The following TENM2 variants were observed in gnomAD, a reference collection of about 807,000 sequenced individuals.
The protein encoded by TENM2 is teneurin transmembrane protein 2, also known as teneurin-2.
Under a neutral mutation model 245.2 loss-of-function variants are expected in TENM2, and 52 were observed. The ratio of observed to expected loss-of-function variants is 0.21; its 90% CI spans 0.17 to 0.27. TENM2 has a LOEUF of 0.27. Among genes scored for constraint, TENM2 ranks in the 10% least tolerant of loss-of-function variants. The pLI is 1.00. For missense variants in TENM2, 3,046 were observed against 3,666.8 expected, an observed-to-expected ratio of 0.83 and a Z score of 4.37; for synonymous variants, 1,363 against 1,438.9, an observed-to-expected ratio of 0.95 and a Z score of 1.19.
intron 25 of TENM2, among the ~76,000 whole-genome samples, chr5:168,231,673 G>A (rs571877724): frequency 6.6e-6 from 1 of 152,006 alleles, no homozygotes; most frequent in East Asian, 1.9e-4. Context: ...GCCAAAGTGG[G>A]AGGATCATTT....
intron 2 of TENM2, among the ~76,000 whole-genome samples, chr5:167,825,000 G>T (rs924257381): frequency 6.6e-6 from 1 of 152,170 alleles, no homozygotes; most frequent in African/African-American, 2.4e-5. Context: ...TTTTGGAGAA[G>T]AGCTTTGACA....
intron 2 of TENM2, among the ~76,000 whole-genome samples, chr5:167,549,267 G>A (rs1311183358): frequency 6.6e-6 from 1 of 151,704 alleles, no homozygotes; most frequent in Non-Finnish European, 1.5e-5. Flanking sequence ...TTTCCCTCTT[G>A]GTCACTCCTG....
At chr5:167,542,428 A>T (rs1457949941) in intron 2 of TENM2, among the ~76,000 whole-genome samples, 2 of 152,136 alleles carry the variant, frequency 1.3e-5, no homozygotes, top group African/African-American at 2.4e-5. Flanking sequence ...AAGAATCACC[A>T]TGAATGGGGG....
intron 1 of TENM2, among the ~76,000 whole-genome samples, chr5:167,369,172 A>G (rs1023837735): frequency 2.0e-5 from 3 of 152,276 alleles, no homozygotes; most frequent in South Asian, 2.1e-4. Flanking sequence ...ACTCACCACC[A>G]TGTAGTTCCT....
At chr5:167,288,432 G>T (rs971295153) in intron 1 of TENM2, among the ~76,000 whole-genome samples, 5 of 151,850 alleles carry the variant, frequency 3.3e-5, no homozygotes, top group Non-Finnish European at 7.4e-5. Flanking sequence ...GGTGGCGGGC[G>T]CCTGTAGTCC....
chr5:168,118,177 G>T (rs1345627130), intron 9 of TENM2, 115 bp from the exon 12 acceptor site: 5 of 792,574 alleles, frequency 6.3e-6, no homozygotes. Context: ...AGAGTCCCCA[G>T]CCTAGAACAC....
At chr5:167,205,726 G>A in the TENM2 span, among the ~76,000 whole-genome samples, 4 of 152,134 alleles carry the variant, frequency 2.6e-5, no homozygotes, top group African/African-American at 9.7e-5. Context: ...TAGCTTAGCA[G>A]GGTTCTTTCT....
At chr5:167,175,778 C>T in the TENM2 span, among the ~76,000 whole-genome samples, 3 of 152,136 alleles carry the variant, frequency 2.0e-5, no homozygotes, top group African/African-American at 4.8e-5. Context: ...CATGCAATCT[C>T]GGCTCACTGC....
chr5:168,115,359 G>GGGAAGGAAGGGAA (rs1554200289), intron 9 of TENM2, among the ~76,000 whole-genome samples: 85 of 71,626 alleles, frequency 1.2e-3, no homozygotes, highest in Admixed American at 3.9e-3. Context: ...AGGGAAGGAA[G>GGGAAGGAAGGGAA]GGAAGGAAGG....
intron 6 of TENM2, among the ~76,000 whole-genome samples, chr5:168,059,389 C>A (rs1789837830): frequency 6.6e-6 from 1 of 152,170 alleles, no homozygotes; most frequent in African/African-American, 2.4e-5. Flanking sequence ...ATTAACCCAG[C>A]AATGCCGGAA....
At chr5:167,329,994 T>C (rs1219498151) in intron 1 of TENM2, among the ~76,000 whole-genome samples, 1 of 152,232 alleles carries the variant, frequency 6.6e-6, no homozygotes, top group African/African-American at 2.4e-5. Context: ...CTAAAGCATC[T>C]AAAACTTTCC....
intron 2 of TENM2, among the ~76,000 whole-genome samples, chr5:167,433,736 A>G (rs913176986): frequency 1.3e-5 from 2 of 152,072 alleles, no homozygotes; most frequent in Non-Finnish European, 2.9e-5. Context: ...TGGTATAAAT[A>G]TTTACATAAT....
chr5:167,790,742 T>C (rs747091391), intron 2 of TENM2, among the ~76,000 whole-genome samples: 2 of 152,158 alleles, frequency 1.3e-5, no homozygotes, highest in Non-Finnish European at 2.9e-5. Context: ...AAGTCACTTT[T>C]TGGCACTCCT....
chr5:167,997,350 AG>A (rs1464202421), intron 5 of TENM2, among the ~76,000 whole-genome samples: 2 of 152,226 alleles, frequency 1.3e-5, no homozygotes, highest in Non-Finnish European at 2.9e-5. Context: ...CACCTTATCT[AG>A]CTCTATCCTC....
At chr5:167,372,677 A>G (rs1247878869) in intron 1 of TENM2, among the ~76,000 whole-genome samples, 1 of 152,226 alleles carries the variant, frequency 6.6e-6, no homozygotes, top group East Asian at 1.9e-4. Context: ...TTGGGTTTTC[A>G]TTTATTGTGG....
At chr5:167,132,166 T>C in the TENM2 span, among the ~76,000 whole-genome samples, 1 of 152,160 alleles carries the variant, frequency 6.6e-6, no homozygotes, top group African/African-American at 2.4e-5. Flanking sequence ...TTGCTGCTGC[T>C]TTGCTTTTTT....
At chr5:167,789,500 A>G (rs1764805607) in intron 2 of TENM2, among the ~76,000 whole-genome samples, 1 of 152,212 alleles carries the variant, frequency 6.6e-6, no homozygotes, top group African/African-American at 2.4e-5. Flanking sequence ...TCGCCCAGCC[A>G]AGTTTGGCTG....
intron 2 of TENM2, among the ~76,000 whole-genome samples, chr5:167,631,392 G>A (rs1469197597): frequency 6.6e-6 from 1 of 152,128 alleles, no homozygotes; most frequent in Non-Finnish European, 1.5e-5. Flanking sequence ...AGTGTTCTCG[G>A]CAGAGAAAAT....
intron 25 of TENM2, chr5:168,240,929 C>G (rs1479993363): frequency 1.3e-5 from 2 of 152,160 alleles, no homozygotes; most frequent in Non-Finnish European, 2.9e-5. Context: ...TGATGGTGGC[C>G]TTCCGCAGTT....
Sources: allele counts gnomAD v4.1 joint callset (sites outside exome capture counted in the v4.1 genomes callset), GRCh38; gene constraint gnomAD v4.1.1; transcripts MANE v1.5; gene names NCBI Gene and HGNC (gene_info 2026-07-23, HGNC 2026-07-21).